PALM2AKAP2: variants seen among roughly 807,000 people sequenced by gnomAD.
PALM2AKAP2 encodes the protein PALM2 and AKAP2 fusion, also known as PALM2-AKAP2 fusion protein.
A neutral mutation model predicts 71.5 loss-of-function variants in PALM2AKAP2; 37 were observed. The ratio of observed to expected loss-of-function variants is 0.52; its 90% CI spans 0.40 to 0.68. The LOEUF is 0.68. PALM2AKAP2 is among the 30% of genes least tolerant of loss of function. PALM2AKAP2 has a pLI of 0.00. For synonymous variants in PALM2AKAP2, 468 were observed against 478.8 expected (o/e 0.98, Z 0.29); for missense variants, 1,224 against 1,191.8 (o/e 1.03, Z -0.40).
chr9:109,764,469 C>G (rs1233760115), intron 1 of PALM2AKAP2, among the ~76,000 whole-genome samples: 1 of 152,174 alleles, frequency 6.6e-6, no homozygotes, highest in Non-Finnish European at 1.5e-5. Context: ...CCTTGAAGTT[C>G]AGTTCTTATT....
chr9:109,797,718 A>C (rs550021201), intron 1 of PALM2AKAP2, among the ~76,000 whole-genome samples: 1 of 152,226 alleles, frequency 6.6e-6, no homozygotes, highest in African/African-American at 2.4e-5. Context: ...CATTATTGCT[A>C]CAAGTGAATT....
chr9:110,133,126 C>A (rs1486239874), intron 1 of PALM2AKAP2, among the ~76,000 whole-genome samples: 1 of 152,148 alleles, frequency 6.6e-6, no homozygotes, highest in Non-Finnish European at 1.5e-5. Context: ...AGAGCTGATA[C>A]AATTTTTGAA....
At chr9:109,897,492 T>C (rs1309607150) in intron 3 of PALM2AKAP2, among the ~76,000 whole-genome samples, 3 of 151,968 alleles carry the variant, frequency 2.0e-5, no homozygotes, top group Non-Finnish European at 4.4e-5. Context: ...AGACAGAGAA[T>C]TGCGTGAACC....
At chr9:109,648,952 C>G (rs906530974) in intron 1 of PALM2AKAP2, among the ~76,000 whole-genome samples, 3 of 152,120 alleles carry the variant, frequency 2.0e-5, no homozygotes, top group Admixed American at 1.3e-4. Flanking sequence ...TCCAAGATGT[C>G]ATTCCATTGT....
At chr9:109,742,171 T>C (rs1828724166) in intron 1 of PALM2AKAP2, among the ~76,000 whole-genome samples, 1 of 152,162 alleles carries the variant, frequency 6.6e-6, no homozygotes, top group South Asian at 2.1e-4. Flanking sequence ...TTTTCCTGTG[T>C]AGCCTGTGGA....
chr9:110,048,560 A>T, upstream of PALM2AKAP2: 1 of 679,640 alleles, frequency 1.5e-6, no homozygotes, highest in Non-Finnish European at 2.1e-6. Flanking sequence ...GTAGATGGGG[A>T]GGGGAGGGGA....
intron 3 of PALM2AKAP2, among the ~76,000 whole-genome samples, chr9:110,163,566 A>G (rs538987796): frequency 3.3e-5 from 5 of 152,282 alleles, no homozygotes; most frequent in Non-Finnish European, 5.9e-5. Context: ...TACTTATACT[A>G]CAAATGTGTA....
chr9:110,048,534 AGAG>A (rs1300519913), upstream of PALM2AKAP2: 7 of 625,808 alleles, frequency 1.1e-5, no homozygotes, highest in South Asian at 2.1e-5. Context: ...GAAGCCACTG[AGAG>A]GAGAAGGTGT....
intron 1 of PALM2AKAP2, among the ~76,000 whole-genome samples, chr9:109,787,263 G>A (rs989264194): frequency 4.6e-5 from 7 of 152,158 alleles, no homozygotes; most frequent in African/African-American, 1.4e-4. Context: ...TTCTTTTAGA[G>A]GTTTCTTGGG....
chr9:110,059,790 A>G (rs928779431), intron 1 of PALM2AKAP2, among the ~76,000 whole-genome samples: 3 of 152,126 alleles, frequency 2.0e-5, no homozygotes, highest in African/African-American at 7.2e-5. Flanking sequence ...AGGGCTCTGC[A>G]TTAGAAAAAT....
intron 6 of PALM2AKAP2, chr9:109,946,267 T>A (rs184134570): frequency 6.6e-6 from 1 of 152,316 alleles, no homozygotes; most frequent in East Asian, 1.9e-4. Flanking sequence ...TTTTATTATG[T>A]GTGGTATCAC....
At chr9:109,683,142 A>G (rs1334867196) in intron 1 of PALM2AKAP2, among the ~76,000 whole-genome samples, 4 of 152,116 alleles carry the variant, frequency 2.6e-5, no homozygotes, top group Non-Finnish European at 4.4e-5. Context: ...GCCTTCCACC[A>G]TGATTGTAAG....
At chr9:110,052,953 TTGAAAGTTAAG>T in intron 1 of PALM2AKAP2, among the ~76,000 whole-genome samples, 1 of 152,372 alleles carries the variant, frequency 6.6e-6, no homozygotes, top group Middle Eastern at 3.4e-3. Flanking sequence ...CCCCATTTTC[TTGAAAGTTAAG>T]TGCCAGAAAA....
At chr9:109,893,417 G>C (rs1830130248) in intron 3 of PALM2AKAP2, among the ~76,000 whole-genome samples, 1 of 151,830 alleles carries the variant, frequency 6.6e-6, no homozygotes, top group African/African-American at 2.4e-5. Context: ...AGCGTGAGAG[G>C]CTAGAGTTAT....
intron 1 of PALM2AKAP2, among the ~76,000 whole-genome samples, chr9:109,662,301 A>C (rs1228325187): frequency 6.6e-6 from 1 of 152,076 alleles, no homozygotes; most frequent in Admixed American, 6.6e-5. Flanking sequence ...TTGGCTGTGG[A>C]TTTGTCACAA....
chr9:109,801,438 C>G (rs192347407), intron 1 of PALM2AKAP2, among the ~76,000 whole-genome samples: 3 of 152,180 alleles, frequency 2.0e-5, no homozygotes, highest in East Asian at 3.8e-4. Flanking sequence ...TGGAGTTGGA[C>G]AGTCACAATG....
chr9:110,164,853 C>T (rs1378973748), intron 3 of PALM2AKAP2, among the ~76,000 whole-genome samples: 1 of 152,098 alleles, frequency 6.6e-6, no homozygotes, highest in Non-Finnish European at 1.5e-5. Flanking sequence ...TAAATCAGAT[C>T]GTTTTTTGTT....
At chr9:109,784,034 G>A (rs1019949707) in intron 1 of PALM2AKAP2, among the ~76,000 whole-genome samples, 1 of 152,082 alleles carries the variant, frequency 6.6e-6, no homozygotes, top group Admixed American at 6.5e-5. Flanking sequence ...AGAAGAGCAA[G>A]TCCATCTTTG....
At chr9:109,913,376 C>T (rs560190303) in intron 3 of PALM2AKAP2, among the ~76,000 whole-genome samples, 42 of 152,272 alleles carry the variant, frequency 2.8e-4, no homozygotes, top group African/African-American at 7.5e-4. Flanking sequence ...ACACAAATAG[C>T]GCACCAAAGA....
Sources: allele counts gnomAD v4.1 joint callset (sites outside exome capture counted in the v4.1 genomes callset), GRCh38; gene constraint gnomAD v4.1.1; transcripts MANE v1.5; gene names NCBI Gene and HGNC (gene_info 2026-07-23, HGNC 2026-07-21).